Variants in MARCHF1 observed in about 807,000 individuals in gnomAD.
MARCHF1 encodes the protein membrane associated ring-CH-type finger 1.
In MARCHF1, 40 loss-of-function variants were observed where a neutral mutation model predicts 54.2. The ratio of observed to expected loss-of-function variants is 0.74; its 90% CI spans 0.57 to 0.96. The LOEUF (loss-of-function observed/expected upper bound fraction) is 0.96, where lower values mean the gene tolerates loss of function less well. Among genes scored for constraint, MARCHF1 ranks in the 40% least tolerant of loss-of-function variants. The probability of loss-of-function intolerance (pLI) is 0.00; values close to 1 mark genes in which losing one functional copy is unlikely to be tolerated. For missense variants in MARCHF1, 586 were observed against 656.5 expected, an observed-to-expected ratio of 0.89 and a Z score of 1.17; for synonymous variants, 236 against 236.3, an observed-to-expected ratio of 1.00 and a Z score of 0.01.
At chr4:164,315,751 G>T (rs1422297438) in intron 1 of MARCHF1, among the ~76,000 whole-genome samples, 1 of 152,142 alleles carries the variant, frequency 6.6e-6, no homozygotes, top group African/African-American at 2.4e-5. Flanking sequence ...TTAGTTATAT[G>T]AGATCCCTAT....
At chr4:164,247,875 G>A (rs1386447371) in intron 1 of MARCHF1, among the ~76,000 whole-genome samples, 1 of 150,064 alleles carries the variant, frequency 6.7e-6, no homozygotes, top group African/African-American at 2.5e-5. Flanking sequence ...TTTCAAGGGA[G>A]CAGAATTAGG....
chr4:164,167,480 C>A (rs1730411536), intron 1 of MARCHF1, among the ~76,000 whole-genome samples: 1 of 151,620 alleles, frequency 6.6e-6, no homozygotes, highest in Non-Finnish European at 1.5e-5. Context: ...CAAACCAATA[C>A]TGAGAAAGAA....
intron 7 of MARCHF1, among the ~76,000 whole-genome samples, chr4:163,611,114 G>T (rs1057302861): frequency 1.3e-5 from 2 of 151,774 alleles, no homozygotes; most frequent in Non-Finnish European, 2.9e-5. Context: ...AATTTGTTTT[G>T]GGTCTCTGTT....
At chr4:164,106,168 G>A in intron 2 of MARCHF1, among the ~76,000 whole-genome samples, 1 of 147,352 alleles carries the variant, frequency 6.8e-6, no homozygotes, top group Non-Finnish European at 1.5e-5. Flanking sequence ...ACTGTTGGTG[G>A]GAATGTAAAC....
intron 4 of MARCHF1, among the ~76,000 whole-genome samples, chr4:163,707,923 A>G (rs1430873842): frequency 6.6e-6 from 1 of 151,680 alleles, no homozygotes; most frequent in Non-Finnish European, 1.5e-5. Flanking sequence ...CTGTTGTGCC[A>G]TCTGACTCCC....
intron 4 of MARCHF1, among the ~76,000 whole-genome samples, chr4:163,762,855 A>G (rs1289821035): frequency 1.3e-5 from 2 of 152,088 alleles, no homozygotes; most frequent in Admixed American, 1.3e-4. Flanking sequence ...TGGCCATTTT[A>G]AAAGCTTACA....
intron 1 of MARCHF1, among the ~76,000 whole-genome samples, chr4:164,135,260 T>A (rs1487687468): frequency 6.6e-6 from 1 of 152,216 alleles, no homozygotes; most frequent in East Asian, 1.9e-4. Context: ...CACTGCCTTT[T>A]AAAAATATTT....
chr4:163,729,110 G>A (rs923141061), intron 4 of MARCHF1, among the ~76,000 whole-genome samples: 1 of 152,024 alleles, frequency 6.6e-6, no homozygotes, highest in South Asian at 2.1e-4. Flanking sequence ...TTGCAGACCT[G>A]AGATAAATCC....
chr4:163,686,901 G>A (rs1273320528), intron 5 of MARCHF1, among the ~76,000 whole-genome samples: 1 of 152,086 alleles, frequency 6.6e-6, no homozygotes, highest in Admixed American at 6.5e-5. Context: ...ATCTTGTTAT[G>A]TTCTCAGAAC....
intron 4 of MARCHF1, among the ~76,000 whole-genome samples, chr4:163,788,803 T>C (rs1468461806): frequency 6.6e-6 from 1 of 152,018 alleles, no homozygotes; most frequent in Non-Finnish European, 1.5e-5. Flanking sequence ...AGTGAGCCAC[T>C]AAATTGAGCC....
rs144495732 is a variant in MARCHF1 at position 164,010,231 on chromosome 4, G to A, written c.-247-21522C>T. On this transcript the variant is annotated intron_variant, in intron 2 of 9. Transcript: ENST00000514618. ...ACAGGAGCATGCCACCACGCTCAGC[G>A]TTTTTTTTTGTTGTTGTTTTTTGGT... Among the ~76,000 whole-genome samples, 335 of 147,860 alleles carry A rather than the reference G, an allele frequency of 2.3e-3. 1 individual carries two copies. Among genetic ancestry groups the A allele is most frequent in the Middle Eastern group, 0.014 (4 of 288 alleles).
chr4:163,557,310 G>A (rs969326415), intron 8 of MARCHF1, among the ~76,000 whole-genome samples: 2 of 152,148 alleles, frequency 1.3e-5, no homozygotes, highest in African/African-American at 4.8e-5. Flanking sequence ...ATTCAACTTT[G>A]TTTAATTATT....
At chr4:164,106,000 A>C (rs1400694097) in intron 2 of MARCHF1, among the ~76,000 whole-genome samples, 2 of 149,792 alleles carry the variant, frequency 1.3e-5, no homozygotes, top group African/African-American at 4.9e-5. Context: ...ATGCAGCCAA[A>C]AGACACATGA....
At chr4:164,004,648 T>C (rs1472208946) in intron 2 of MARCHF1, among the ~76,000 whole-genome samples, 3 of 152,124 alleles carry the variant, frequency 2.0e-5, no homozygotes, top group Non-Finnish European at 4.4e-5. Context: ...GTATATATTT[T>C]CTGGTCATAA....
At chr4:164,359,763 GC>G (rs1204815261) in intron 1 of MARCHF1, among the ~76,000 whole-genome samples, 9 of 152,012 alleles carry the variant, frequency 5.9e-5, no homozygotes, top group Non-Finnish European at 1.3e-4. Context: ...TAACATATGT[GC>G]TTACATTTTA....
At chr4:164,343,814 G>A (rs571887953) in intron 1 of MARCHF1, among the ~76,000 whole-genome samples, 10 of 152,232 alleles carry the variant, frequency 6.6e-5, no homozygotes, top group East Asian at 1.9e-4. Flanking sequence ...GGAAAGCAGC[G>A]TGGTGATTTC....
chr4:163,722,995 C>G (rs1018037910), intron 4 of MARCHF1, among the ~76,000 whole-genome samples: 4 of 152,098 alleles, frequency 2.6e-5, no homozygotes, highest in Non-Finnish European at 5.9e-5. Flanking sequence ...CAGTCTGTGT[C>G]TTTTAAGTGG....
intron 4 of MARCHF1, among the ~76,000 whole-genome samples, chr4:163,713,347 T>G (rs1745164088): frequency 6.6e-6 from 1 of 152,170 alleles, no homozygotes; most frequent in South Asian, 2.1e-4. Flanking sequence ...ATAAAAAATT[T>G]GCCATAATGC....
At chr4:164,120,936 C>G (rs1309888545) in intron 1 of MARCHF1, among the ~76,000 whole-genome samples, 1 of 151,428 alleles carries the variant, frequency 6.6e-6, no homozygotes, top group Admixed American at 6.6e-5. Flanking sequence ...AAAACAAGAG[C>G]AAACCAAACC....
Sources: allele counts gnomAD v4.1 joint callset (sites outside exome capture counted in the v4.1 genomes callset), GRCh38; gene constraint gnomAD v4.1.1; transcripts MANE v1.5; gene names NCBI Gene and HGNC (gene_info 2026-07-23, HGNC 2026-07-21).